The following PRKD1 variants were observed in gnomAD, a reference collection of about 807,000 sequenced individuals.
PRKD1 encodes protein kinase D1, also known as serine/threonine-protein kinase D1.
A neutral mutation model predicts 95.9 loss-of-function variants in PRKD1; 63 were observed. That is an observed-to-expected ratio of 0.66 (90% confidence interval 0.54 to 0.81). The LOEUF (loss-of-function observed/expected upper bound fraction) is 0.81, where lower values mean the gene tolerates loss of function less well. Among genes scored for constraint, PRKD1 ranks in the 30% least tolerant of loss-of-function variants. The pLI is 0.00. For missense variants in PRKD1, 1,048 were observed against 1,165.3 expected, an observed-to-expected ratio of 0.90 and a Z score of 1.47; for synonymous variants, 425 against 423.1, an observed-to-expected ratio of 1.00 and a Z score of -0.05.
intron 16 of PRKD1, 140 bp from the exon 17 acceptor site, chr14:29,578,500 C>T (rs1892642662): frequency 4.6e-6 from 1 of 217,150 alleles, no homozygotes; most frequent in East Asian, 9.2e-5. Context: ...AAAAAATCCT[C>T]TTAAGAATAC....
intron 1 of PRKD1, among the ~76,000 whole-genome samples, chr14:29,911,528 A>G (rs1211088766): frequency 5.3e-5 from 8 of 152,226 alleles, no homozygotes; most frequent in Admixed American, 3.3e-4. Flanking sequence ...AGTATCAAAT[A>G]AAAAGAGCAA....
intron 4 of PRKD1, among the ~76,000 whole-genome samples, chr14:29,663,170 T>TATATATATATATATATATATATATA: frequency 6.9e-6 from 1 of 145,602 alleles, no homozygotes; most frequent in South Asian, 2.1e-4. Context: ...TATATATATA[T>TATATATATATATATATATATATATA]TCTAGAGCTA....
chr14:29,706,536 G>A (rs1320534665), intron 2 of PRKD1, among the ~76,000 whole-genome samples: 1 of 152,058 alleles, frequency 6.6e-6, no homozygotes, highest in African/African-American at 2.4e-5. Context: ...AAGTGCCCAT[G>A]ACAACAATCA....
chr14:29,787,054 T>G (rs1187161165), intron 1 of PRKD1, among the ~76,000 whole-genome samples: 1 of 152,010 alleles, frequency 6.6e-6, no homozygotes, highest in Non-Finnish European at 1.5e-5. Flanking sequence ...TCCGAGACGT[T>G]TTTAAATTTC....
chr14:29,717,108 T>C (rs192397630), intron 2 of PRKD1, among the ~76,000 whole-genome samples: 3 of 152,198 alleles, frequency 2.0e-5, no homozygotes, highest in Admixed American at 6.5e-5. Flanking sequence ...ATATCATACA[T>C]AGGACATCAA....
chr14:29,901,487 ATTACT>A (rs1894316046), intron 1 of PRKD1, among the ~76,000 whole-genome samples: 1 of 152,212 alleles, frequency 6.6e-6, no homozygotes, highest in Non-Finnish European at 1.5e-5. Flanking sequence ...TTAATCTACT[ATTACT>A]TTATCAATAG....
intron 9 of PRKD1, among the ~76,000 whole-genome samples, chr14:29,632,488 G>A (rs1880071030): frequency 6.6e-6 from 1 of 152,024 alleles, no homozygotes; most frequent in South Asian, 2.1e-4. Flanking sequence ...ATCATACAAT[G>A]TTTCTTCACT....
chr14:29,719,185 C>A (rs1439445068), intron 2 of PRKD1, among the ~76,000 whole-genome samples: 2 of 152,052 alleles, frequency 1.3e-5, no homozygotes, highest in African/African-American at 4.8e-5. Context: ...GACCCTAAGA[C>A]ACTATTTCCA....
rs150580618 is a variant in PRKD1 at position 29,778,192 on chromosome 14, C to A, written c.265-52518G>T. On this transcript the variant is annotated intron_variant, in intron 1 of 17. Coordinates refer to ENST00000331968, the MANE Select transcript of PRKD1 (RefSeq NM_002742.3). ...GCCCACAACAGAAAGCAGGAAATATCTAAAATTGACACCCTAACATCACAA... is the reference window on the plus strand; with the variant it reads ...GCCCACAACAGAAAGCAGGAAATATATAAAATTGACACCCTAACATCACAA... Among the ~76,000 whole-genome samples the A allele has an allele frequency of 8.4e-3, 1,279 of 152,268 alleles. 19 individuals are homozygous for A. Among genetic ancestry groups the A allele is most frequent in the African/African-American group, 0.029 (1,192 of 41,540 alleles).
chr14:29,637,387 T>C (rs1469028749), intron 6 of PRKD1, among the ~76,000 whole-genome samples: 1 of 152,196 alleles, frequency 6.6e-6, no homozygotes, highest in Middle Eastern at 3.2e-3. Context: ...TACTTACTAA[T>C]GCAAAGTACT....
At chr14:29,904,696 G>A (rs1894435769) in intron 1 of PRKD1, among the ~76,000 whole-genome samples, 1 of 152,182 alleles carries the variant, frequency 6.6e-6, no homozygotes, top group African/African-American at 2.4e-5. Flanking sequence ...GGCAGGTTCT[G>A]ATGGAGCTTA....
At chr14:29,860,233 T>A (rs1892658853) in intron 1 of PRKD1, among the ~76,000 whole-genome samples, 1 of 152,248 alleles carries the variant, frequency 6.6e-6, no homozygotes, top group African/African-American at 2.4e-5. Context: ...GGCACCTTGT[T>A]TTTTTAGACA....
chr14:29,594,374 G>A (rs1308824089), intron 16 of PRKD1, among the ~76,000 whole-genome samples: 1 of 152,148 alleles, frequency 6.6e-6, no homozygotes, highest in East Asian at 1.9e-4. Context: ...TTGGTTACCA[G>A]CCAGGGCAAG....
intron 1 of PRKD1, among the ~76,000 whole-genome samples, chr14:29,884,005 T>G (rs1353041439): frequency 6.6e-6 from 1 of 152,200 alleles, no homozygotes; most frequent in Non-Finnish European, 1.5e-5. Flanking sequence ...GATCATCAAA[T>G]GGCAACTCCT....
chr14:29,698,337 T>C (rs1286590408), intron 2 of PRKD1, among the ~76,000 whole-genome samples: 1 of 152,158 alleles, frequency 6.6e-6, no homozygotes, highest in Non-Finnish European at 1.5e-5. Context: ...AACAGTATTA[T>C]TTATAAGGAA....
At chr14:29,920,128 AAAG>A (rs1566672386) in intron 1 of PRKD1, among the ~76,000 whole-genome samples, 1 of 151,502 alleles carries the variant, frequency 6.6e-6, no homozygotes, top group Non-Finnish European at 1.5e-5. Context: ...AAAGAAAAGA[AAAG>A]AGAGAAGAAA....
chr14:29,924,847 A>G (rs957053832), intron 1 of PRKD1, among the ~76,000 whole-genome samples: 1 of 152,076 alleles, frequency 6.6e-6, no homozygotes, highest in Admixed American at 6.6e-5. Flanking sequence ...CTGTCACAAC[A>G]CACAGAGATC....
At chr14:29,777,764 G>C (rs1888840503) in intron 1 of PRKD1, among the ~76,000 whole-genome samples, 1 of 152,058 alleles carries the variant, frequency 6.6e-6, no homozygotes, top group Admixed American at 6.6e-5. Context: ...GGATATACAG[G>C]AATTGAACTC....
intron 1 of PRKD1, among the ~76,000 whole-genome samples, chr14:29,874,227 G>C (rs948683206): frequency 2.0e-5 from 3 of 152,084 alleles, no homozygotes; most frequent in Admixed American, 6.5e-5. Context: ...ATATGAAAAA[G>C]TGCTCAATAT....
Sources: allele counts gnomAD v4.1 joint callset (sites outside exome capture counted in the v4.1 genomes callset), GRCh38; gene constraint gnomAD v4.1.1; transcripts MANE v1.5; gene names NCBI Gene and HGNC (gene_info 2026-07-23, HGNC 2026-07-21).